Variants in FAM43A observed in about 807,000 individuals in gnomAD.
The protein encoded by FAM43A is family with sequence similarity 43 member A.
In FAM43A, 11 loss-of-function variants were observed where a neutral mutation model predicts 15.7. The observed-to-expected ratio is 0.70, with a 90% CI of 0.44 to 1.16. The LOEUF (loss-of-function observed/expected upper bound fraction) is 1.16. FAM43A is among the 50% of genes most tolerant of loss of function. The pLI, the probability that FAM43A is intolerant of heterozygous loss-of-function variation, is 0.00. For missense variants in FAM43A, 573 were observed against 620.0 expected (o/e 0.92, Z 0.80); for synonymous variants, 319 against 291.7 (o/e 1.09, Z -0.96).
At position 194,686,964 on chromosome 3, in the gene FAM43A, G is replaced by C. The variant is rs770380945; in HGVS notation, c.138G>C (p.Ala46=). The change falls in exon 1 of 1, where the codon GCG becomes GCC. Residue 46 remains alanine (A), a synonymous_variant. Coordinates refer to ENST00000329759, the MANE Select transcript of FAM43A (RefSeq NM_153690.5). The stretch of plus-strand genomic sequence containing the variant: ...TGGCGCGGGCGTGCCCCGAAGGCGC[G>C]CTTAGCCGGGTGGGCAGCATGTTCC... ...SSLARACPEG[A]LSRVGSMFRS... 8 of 1,610,478 alleles carry C rather than the reference G, an allele frequency of 5.0e-6. No homozygotes were observed. In the South Asian group the frequency reaches 6.6e-5, roughly 13 times the overall value.
Position 194,686,099 on chromosome 3 carries a change from C to A in FAM43A, c.-728C>A, listed in dbSNP as rs1719410492. 6.6e-6 allele frequency among the ~76,000 whole-genome samples: 1 copy of A among 152,236 alleles called. No individual in the cohort carries two copies. Among genetic ancestry groups the A allele is most frequent in the Admixed American group, 6.5e-5 (1 of 15,282 alleles). On this transcript the variant is annotated 5_prime_UTR_variant, in exon 1 of 1. Coordinates refer to ENST00000329759, the MANE Select transcript of FAM43A (RefSeq NM_153690.5). ...CAGGCCAGCCCGGACACTGAGCGGG[C>A]CGAGCGCGAGTCCCCGGCGTCCGGC...
Position 194,687,241 on chromosome 3 carries a change from C to G in FAM43A, c.415C>G (p.Arg139Gly). ...CCCGGGCCACCTCTACCTGCTGCAC[C>G]GCGTCACCTACTGCGTGGCCGACGC... is the stretch of plus-strand genomic sequence containing the variant. ...RRPGHLYLLH[R>G]VTYCVADARL... The change falls in exon 1 of 1, where the codon CGC becomes GGC. Residue 139 changes from arginine (R) to glycine (G), a missense_variant. Coordinates refer to ENST00000329759, the MANE Select transcript of FAM43A (RefSeq NM_153690.5). The G allele has an allele frequency of 6.2e-7, 1 of 1,601,114 alleles. No homozygotes were observed. The highest frequency in any genetic ancestry group is 8.5e-7 in the Non-Finnish European group (1 of 1,178,932).
In FAM43A at chr3:194,687,706, G is replaced by A. The variant is rs148973402; in HGVS notation, c.880G>A (p.Glu294Lys). The stretch of plus-strand genomic sequence containing the variant: ...TGCGGCAGAGGGAGATCCAGCAGAG[G>A]AGGAGGCCGAGGCGCAGCGTGCGCT... Reference protein sequence around the residue: ...NRAAEGDPAEEEAEAQRALVV... With the variant: ...NRAAEGDPAEKEAEAQRALVV... Residue 294 changes from glutamate to lysine, a missense_variant, in exon 1 of 1, where the codon GAG becomes AAG. By Grantham distance (56) the Glu-to-Lys change is moderately conservative. Transcript: ENST00000329759. 1.9e-5 allele frequency: 29 copies of A among 1,562,296 alleles called. No individual in the cohort carries two copies. In the South Asian group the frequency reaches 3.2e-4, roughly 17 times the overall value.
In FAM43A at chr3:194,686,809, C is replaced by T; in HGVS notation, c.-18C>T. 2 of 1,501,696 alleles carry T rather than the reference C, an allele frequency of 1.3e-6. No homozygotes were observed. Among genetic ancestry groups the T allele is most frequent in the African/African-American group, 1.5e-5 (1 of 68,940 alleles). 93.0% of individuals were successfully genotyped at this position (1,501,696 alleles called of 1,614,324 possible). A position where few individuals can be genotyped will look rare whatever the true frequency, so the allele number is the denominator to read the frequency against. The stretch of plus-strand genomic sequence containing the variant: ...CCGCCGCCGCCGCCGCCCAGCTGCG[C>T]CGGGGCGCCCTCCGGAGATGCTGCC... On this transcript the variant is annotated 5_prime_UTR_variant, in exon 1 of 1. Transcript: ENST00000329759.
Position 194,687,197 on chromosome 3 carries a change from A to C in FAM43A, c.371A>C (p.Glu124Ala). Residue 124 changes from glutamate to alanine, a missense_variant, in exon 1 of 1, where the codon GAG (glutamate) becomes GCG (alanine). Physicochemically the swap from Glu to Ala is moderately radical, Grantham distance 107 (BLOSUM62 -1). Coordinates refer to ENST00000329759, the MANE Select transcript of FAM43A (RefSeq NM_153690.5). Reference sequence around the variant, plus strand: ...CAGGGTATCCGCATGGTGCACGCCGAGGAGCGCGCGCTGCGCCGCCCGGGC... The same window carrying C: ...CAGGGTATCCGCATGGTGCACGCCGCGGAGCGCGCGCTGCGCCGCCCGGGC... ...SAQGIRMVHA[E>A]ERALRRPGHL... 6.2e-7 allele frequency: 1 copy of C among 1,607,178 alleles called. No individual in the cohort carries two copies. Among genetic ancestry groups the C allele is most frequent in the Non-Finnish European group, 8.5e-7 (1 of 1,179,492 alleles).
rs146678404 is a variant in FAM43A, at chr3:194,687,633, A to G, written c.807A>G (p.Glu269=). 1.1e-5 allele frequency: 17 copies of G among 1,564,630 alleles called. No homozygotes were observed. Among genetic ancestry groups the G allele is most frequent in the Non-Finnish European group, 1.0e-5 (12 of 1,154,116 alleles). ...AGCTGGAGCAGGAGCTGCAGGAGGA[A>G]GAGGAAGAGGAGCAACCCGAGGGCT... The part of the protein sequence containing the change: ...GEQLEQELQE[E]EEEEQPEGCP... The change falls in exon 1 of 1, where the codon GAA becomes GAG. Residue 269 remains glutamate, a synonymous_variant. Coordinates refer to ENST00000329759, the MANE Select transcript of FAM43A (RefSeq NM_153690.5).
rs1233464834 is a variant in FAM43A at position 194,686,823 on chromosome 3, G to A, written c.-4G>A. ...GCCCAGCTGCGCCGGGGCGCCCTCC[G>A]GAGATGCTGCCGTGGAAGAAGCACA... On this transcript the variant is annotated 5_prime_UTR_variant, in exon 1 of 1. Coordinates refer to ENST00000329759, the MANE Select transcript of FAM43A (RefSeq NM_153690.5). 3.7e-5 allele frequency: 57 copies of A among 1,545,268 alleles called. No homozygotes were observed. The highest frequency in any genetic ancestry group is 4.6e-5 in the Non-Finnish European group (53 of 1,157,050).
chr3:194,685,923 C>T lies in FAM43A; in HGVS notation c.-904C>T, dbSNP rs370485592. Among the ~76,000 whole-genome samples, 1 of 152,348 alleles carries T rather than the reference C, an allele frequency of 6.6e-6. No homozygotes were observed. ...GCGAGCCGGACGCCGCTCGCAGCAC[C>T]GGAGAGGGCGCACTGCAAAGGCGGG... is the stretch of plus-strand genomic sequence containing the variant. On this transcript the variant is annotated 5_prime_UTR_variant, in exon 1 of 1. Coordinates refer to ENST00000329759, the MANE Select transcript of FAM43A (RefSeq NM_153690.5).
Position 194,688,044 on chromosome 3 carries a change from G to C in FAM43A, c.1218G>C (p.Gly406=). 1 of 1,415,052 alleles carries C rather than the reference G, an allele frequency of 7.1e-7. No individual in the cohort carries two copies. The highest frequency in any genetic ancestry group is 1.7e-5 in the South Asian group (1 of 59,160). 87.7% of individuals were successfully genotyped at this position (1,415,052 alleles called of 1,614,324 possible). Residue 406 remains glycine (G), a synonymous_variant, in exon 1 of 1, where the codon GGG becomes GGC. Transcript: ENST00000329759. ...CTGACGCCACCTCCGCCACCGCCGG[G>C]GACTCGTCCCGCCAGGCCGACGGCG... ...GGPDATSATA[G]DSSRQADGAS...
Position 194,687,290 on chromosome 3 carries a change from G to A in FAM43A, c.464G>A (p.Trp155Ter), listed in dbSNP as rs1181768551. ...ADARLPKVFA[W>*]VYRHELKHKA... ...GCGCGGCTGCCCAAGGTCTTCGCCT[G>A]GGTGTACCGGCACGAGCTGAAGCAC... is the stretch of plus-strand genomic sequence containing the variant. Residue 155 changes from tryptophan (W) to a stop codon, truncating the protein, a stop_gained, in exon 1 of 1, where the codon TGG (tryptophan) becomes TAG (stop). Transcript: ENST00000329759. LOFTEE classifies it high-confidence loss of function. 1.3e-6 allele frequency: 2 copies of A among 1,575,102 alleles called. No homozygotes were observed. Among genetic ancestry groups the A allele is most frequent in the South Asian group, 1.1e-5 (1 of 88,282 alleles).
In FAM43A at chr3:194,688,246, AC is replaced by A; in HGVS notation, c.*150del. On this transcript the variant is annotated 3_prime_UTR_variant, in exon 1 of 1. Coordinates refer to ENST00000329759, the MANE Select transcript of FAM43A (RefSeq NM_153690.5). ...GGAGCCCAGGTCCAGCGTTCCCCCG[AC>A]CGCTTTCCCCTACCTCCCGGCCCCC... The A allele has an allele frequency of 3.1e-6, 3 of 972,766 alleles. No individual in the cohort carries two copies. The highest frequency in any genetic ancestry group is 4.1e-6 in the Non-Finnish European group (3 of 738,550). 60.3% of individuals were successfully genotyped at this position (972,766 alleles called of 1,614,324 possible). A position where few individuals can be genotyped will look rare whatever the true frequency, so the allele number is the denominator to read the frequency against.
At position 194,686,952 on chromosome 3, in the gene FAM43A, C is replaced by T. The variant is rs1202996342; in HGVS notation, c.126C>T (p.Cys42=). ...YSALSSLARA[C]PEGALSRVGS... ...CGCTCAGCTCGCTGGCGCGGGCGTG[C>T]CCCGAAGGCGCGCTTAGCCGGGTGG... Residue 42 remains cysteine (C), a synonymous_variant, in exon 1 of 1, where the codon TGC becomes TGT. Coordinates refer to ENST00000329759, the MANE Select transcript of FAM43A (RefSeq NM_153690.5). 1 of 1,610,380 alleles carries T rather than the reference C, an allele frequency of 6.2e-7. No homozygotes were observed.
chr3:194,686,113 C>T lies in FAM43A; in HGVS notation c.-714C>T, dbSNP rs1019252779. On this transcript the variant is annotated 5_prime_UTR_variant, in exon 1 of 1. Coordinates refer to ENST00000329759, the MANE Select transcript of FAM43A (RefSeq NM_153690.5). ...CACTGAGCGGGCCGAGCGCGAGTCC[C>T]CGGCGTCCGGCGGAGCGAAGATGCA... Among the ~76,000 whole-genome samples the T allele has an allele frequency of 6.6e-5, 10 of 152,230 alleles. No individual in the cohort carries two copies. Among genetic ancestry groups the T allele is most frequent in the African/African-American group, 2.4e-4 (10 of 41,460 alleles).
At position 194,686,921 on chromosome 3, in the gene FAM43A, A is replaced by G. The variant is rs1160892675; in HGVS notation, c.95A>G (p.Tyr32Cys). The part of the protein sequence containing the change: ...KPKGYAVSLH[Y>C]SALSSLARAC... ...AAGGGCTACGCTGTGAGCCTGCACT[A>G]CTCGGCGCTCAGCTCGCTGGCGCGG... The change falls in exon 1 of 1, where the codon TAC becomes TGC. Residue 32 changes from tyrosine (Y) to cysteine (C), a missense_variant. Coordinates refer to ENST00000329759, the MANE Select transcript of FAM43A (RefSeq NM_153690.5). 1 of 1,610,006 alleles carries G rather than the reference A, an allele frequency of 6.2e-7. No homozygotes were observed. Among genetic ancestry groups the G allele is most frequent in the Non-Finnish European group, 8.5e-7 (1 of 1,178,002 alleles).
At position 194,688,256 on chromosome 3, in the gene FAM43A, C is replaced by A; in HGVS notation, c.*158C>A. The stretch of plus-strand genomic sequence containing the variant: ...TCCAGCGTTCCCCCGACCGCTTTCC[C>A]CTACCTCCCGGCCCCCGCTCCCGCC... On this transcript the variant is annotated 3_prime_UTR_variant, in exon 1 of 1. Coordinates refer to ENST00000329759, the MANE Select transcript of FAM43A (RefSeq NM_153690.5). 1 of 865,534 alleles carries A rather than the reference C, an allele frequency of 1.2e-6. No individual in the cohort carries two copies. The highest frequency in any genetic ancestry group is 1.6e-6 in the Non-Finnish European group (1 of 640,352). The allele number at this position is 865,534 out of a possible 1,614,324, so 53.6% of individuals were successfully genotyped here. A position where few individuals can be genotyped will look rare whatever the true frequency, so the allele number is the denominator to read the frequency against.
chr3:194,688,080 C>G lies in FAM43A; in HGVS notation c.1254C>G (p.Asp418Glu). Reference protein sequence around the residue: ...SSRQADGASADEPHSG With the variant: ...SSRQADGASAEEPHSG ...GCCAGGCCGACGGCGCCAGTGCAGACGAGCCCCACTCGGGCTGAGCTCCTC... is the reference window on the plus strand; with the variant it reads ...GCCAGGCCGACGGCGCCAGTGCAGAGGAGCCCCACTCGGGCTGAGCTCCTC... The change falls in exon 1 of 1, where the codon GAC becomes GAG. Residue 418 changes from aspartate to glutamate, a missense_variant. Asp to Glu is a conservative substitution (Grantham distance 45). Transcript: ENST00000329759. The G allele has an allele frequency of 7.2e-7, 1 of 1,385,046 alleles. No homozygotes were observed. Among genetic ancestry groups the G allele is most frequent in the Non-Finnish European group, 9.4e-7 (1 of 1,066,758 alleles). The allele number at this position is 1,385,046 out of a possible 1,614,324, so 85.8% of individuals were successfully genotyped here.
At position 194,687,032 on chromosome 3, in the gene FAM43A, C is replaced by T. The variant is rs1474276997; in HGVS notation, c.206C>T (p.Thr69Ile). ...KKLHITSEDP[T>I]YTVLYLGNAT... is the part of the protein sequence containing the mutation. ...CTGCACATCACTAGCGAGGACCCAA[C>T]TTACACCGTGCTCTACCTGGGCAAT... The change falls in exon 1 of 1, where the codon ACT (threonine) becomes ATT (isoleucine). Residue 69 changes from threonine (T) to isoleucine (I), a missense_variant. Coordinates refer to ENST00000329759, the MANE Select transcript of FAM43A (RefSeq NM_153690.5). 1 of 1,612,622 alleles carries T rather than the reference C, an allele frequency of 6.2e-7. No individual in the cohort carries two copies. The highest frequency in any genetic ancestry group is 2.2e-5 in the East Asian group (1 of 44,808).
In FAM43A at chr3:194,688,383, G is replaced by C. The variant is rs1231170668; in HGVS notation, c.*285G>C. On this transcript the variant is annotated 3_prime_UTR_variant, in exon 1 of 1. Coordinates refer to ENST00000329759, the MANE Select transcript of FAM43A (RefSeq NM_153690.5). The stretch of plus-strand genomic sequence containing the variant: ...AGGCACCCCTCTGGGATGCGGGTGA[G>C]GGAAGGTTGGCTGAAGTTCCTAGTC... The C allele has an allele frequency of 2.9e-6, 1 of 342,700 alleles. No homozygotes were observed. The highest frequency in any genetic ancestry group is 2.1e-5 in the African/African-American group (1 of 46,928). 21.2% of individuals were successfully genotyped at this position (342,700 alleles called of 1,614,324 possible). A position where few individuals can be genotyped will look rare whatever the true frequency, so the allele number is the denominator to read the frequency against.
Position 194,687,601 on chromosome 3 carries a change from G to T in FAM43A, c.775G>T (p.Gly259Cys). 1 of 1,577,370 alleles carries T rather than the reference G, an allele frequency of 6.3e-7. No individual in the cohort carries two copies. The highest frequency in any genetic ancestry group is 8.6e-7 in the Non-Finnish European group (1 of 1,161,172). ...KLGSITEDLL[G>C]EQLEQELQEE... ...TGGCTCCATCACCGAGGACCTGCTC[G>T]GCGAACAGCTGGAGCAGGAGCTGCA... The change falls in exon 1 of 1, where the codon GGC becomes TGC. Residue 259 changes from glycine to cysteine, a missense_variant. Physicochemically the swap from Gly to Cys is radical, Grantham distance 159 (BLOSUM62 -3). Transcript: ENST00000329759.
Sources: gnomAD v4.1 joint callset for allele counts (sites outside exome capture counted in the v4.1 genomes callset) on GRCh38, gnomAD v4.1.1 for gene constraint, MANE v1.5 for transcripts, NCBI Gene and HGNC (gene_info 2026-07-23, HGNC 2026-07-21) for gene names.